Variants in GREB1L observed in about 807,000 individuals in gnomAD.
GREB1L encodes GREB1-like protein.
Under a neutral mutation model 200.8 loss-of-function variants are expected in GREB1L, and 17 were observed. That is an observed-to-expected ratio of 0.08 (90% CI 0.06 to 0.13). The LOEUF is 0.13. GREB1L is among the 10% of genes least tolerant of loss of function. The pLI is 1.00. For synonymous variants in GREB1L, 789 were observed against 893.0 expected (o/e 0.88, Z 2.08); for missense variants, 1,657 against 2,367.7 (o/e 0.70, Z 6.23).
chr18:21,367,888 C>A (rs1490763228), intron 2 of GREB1L, among the ~76,000 whole-genome samples: 1 of 152,148 alleles, frequency 6.6e-6, no homozygotes, highest in Non-Finnish European at 1.5e-5. Flanking sequence ...TACCACAACC[C>A]ATGACCTCAA....
intron 9 of GREB1L, 104 bp from the exon 10 acceptor site, chr18:21,441,296 G>A: frequency 1.0e-6 from 1 of 995,298 alleles, no homozygotes; most frequent in East Asian, 2.9e-5. Flanking sequence ...CAAACCATTA[G>A]ATTTCTAATG....
intron 1 of GREB1L, among the ~76,000 whole-genome samples, chr18:21,329,572 C>CT (rs1446125526): frequency 6.6e-6 from 1 of 152,072 alleles, no homozygotes; most frequent in Non-Finnish European, 1.5e-5. Flanking sequence ...CCAAGGAAGA[C>CT]TTTCCAGACC....
intron 1 of GREB1L, among the ~76,000 whole-genome samples, chr18:21,253,249 A>ATTTTTTT (rs66924517): frequency 7.9e-6 from 1 of 127,162 alleles, no homozygotes; most frequent in Non-Finnish European, 1.7e-5. Flanking sequence ...TATTTCAAGA[A>ATTTTTTT]TTTTTTTTTT....
intron 1 of GREB1L, among the ~76,000 whole-genome samples, chr18:21,357,790 A>T (rs1045332688): frequency 6.6e-6 from 1 of 152,052 alleles, no homozygotes; most frequent in Non-Finnish European, 1.5e-5. Flanking sequence ...TGCGTGGATT[A>T]ATTTTGGGGG....
At chr18:21,370,098 GAAAT>G (rs1483095609) in intron 2 of GREB1L, among the ~76,000 whole-genome samples, 6 of 152,072 alleles carry the variant, frequency 3.9e-5, no homozygotes, top group African/African-American at 1.4e-4. Flanking sequence ...GAATAAAAAT[GAAAT>G]AAAGCACTTC....
intron 1 of GREB1L, among the ~76,000 whole-genome samples, chr18:21,260,568 A>G (rs2037873330): frequency 6.6e-6 from 1 of 151,980 alleles, no homozygotes; most frequent in South Asian, 2.1e-4. Context: ...GCAAAGGACC[A>G]TTTGTTCCGA....
intron 15 of GREB1L, among the ~76,000 whole-genome samples, chr18:21,467,691 T>G (rs1194239499): frequency 6.6e-6 from 1 of 152,090 alleles, no homozygotes; most frequent in Admixed American, 6.6e-5. Context: ...TCCAAATGAT[T>G]AAATATAGAG....
intron 1 of GREB1L, among the ~76,000 whole-genome samples, chr18:21,333,204 A>G (rs2039132873): frequency 6.6e-6 from 1 of 152,172 alleles, no homozygotes; most frequent in South Asian, 2.1e-4. Flanking sequence ...ATGTATTACT[A>G]TACATGCACA....
chr18:21,472,203 A>T (rs138443545), intron 15 of GREB1L, among the ~76,000 whole-genome samples: 1 of 152,332 alleles, frequency 6.6e-6, no homozygotes, highest in African/African-American at 2.4e-5. Flanking sequence ...TTGTTCACTG[A>T]GCTGCATTTA....
At chr18:21,392,057 G>A (rs777506492) in intron 4 of GREB1L, among the ~76,000 whole-genome samples, 6 of 152,238 alleles carry the variant, frequency 3.9e-5, no homozygotes, top group South Asian at 2.1e-4. Flanking sequence ...TGATCCACCC[G>A]CCTCAGCCTC....
At chr18:21,291,203 T>C (rs1223200967) in intron 1 of GREB1L, among the ~76,000 whole-genome samples, 2 of 152,098 alleles carry the variant, frequency 1.3e-5, no homozygotes, top group Admixed American at 1.3e-4. Context: ...GACCCATTGT[T>C]CCTGAAACCC....
chr18:21,472,304 TCAA>T (rs1005266217), intron 15 of GREB1L, among the ~76,000 whole-genome samples: 5 of 152,248 alleles, frequency 3.3e-5, no homozygotes, highest in African/African-American at 9.6e-5. Flanking sequence ...ATCAATTATC[TCAA>T]CAACAGTTTT....
rs1396060387 is a variant in GREB1L, at chr18:21,499,793, G to A, written c.3456G>A (p.Leu1152=). Residue 1152 remains leucine (L), a synonymous_variant, in exon 22 of 33, where the codon CTG becomes CTA. Coordinates refer to ENST00000424526, the MANE Select transcript of GREB1L (RefSeq NM_001142966.3). The part of the protein sequence containing the change: ...STADKSQKQS[L]TPSFQSPATS... Reference sequence around the variant, plus strand: ...CTGACAAGTCCCAGAAGCAGTCCCTGACCCCCAGCTTTCAGAGCCCAGCCA... The same window carrying A: ...CTGACAAGTCCCAGAAGCAGTCCCTAACCCCCAGCTTTCAGAGCCCAGCCA... 2.6e-6 allele frequency: 4 copies of A among 1,551,884 alleles called. No homozygotes were observed. Among genetic ancestry groups the A allele is most frequent in the Non-Finnish European group, 2.6e-6 (3 of 1,147,064 alleles).
intron 7 of GREB1L, among the ~76,000 whole-genome samples, chr18:21,422,035 G>A (rs1372865703): frequency 6.6e-6 from 1 of 152,168 alleles, no homozygotes; most frequent in Non-Finnish European, 1.5e-5. Context: ...CCACAATGTA[G>A]AGAGCAGAGC....
At chr18:21,267,188 G>A (rs1313190562) in intron 1 of GREB1L, among the ~76,000 whole-genome samples, 1 of 132,272 alleles carries the variant, frequency 7.6e-6, no homozygotes, top group Non-Finnish European at 1.6e-5. Flanking sequence ...TGCCTCGGCC[G>A]CTTTTTTTTT....
chr18:21,301,173 C>A (rs1383829823), intron 1 of GREB1L, among the ~76,000 whole-genome samples: 4 of 152,178 alleles, frequency 2.6e-5, no homozygotes, highest in Non-Finnish European at 5.9e-5. Context: ...AGATAATTTG[C>A]CATTTATTTC....
At chr18:21,470,165 G>A (rs939574276) in intron 15 of GREB1L, among the ~76,000 whole-genome samples, 1 of 151,930 alleles carries the variant, frequency 6.6e-6, no homozygotes, top group Non-Finnish European at 1.5e-5. Context: ...GCACATGCCT[G>A]CAGGCCCAGC....
chr18:21,321,230 G>C (rs1386452530), intron 1 of GREB1L, among the ~76,000 whole-genome samples: 2 of 151,982 alleles, frequency 1.3e-5, no homozygotes, highest in Admixed American at 1.3e-4. Context: ...GGGAGGTGGA[G>C]GTTTCAGTGA....
chr18:21,468,495 A>G (rs1053356007), intron 15 of GREB1L, among the ~76,000 whole-genome samples: 1 of 152,236 alleles, frequency 6.6e-6, no homozygotes, highest in African/African-American at 2.4e-5. Context: ...ACTAAAAGCC[A>G]TTGAATTATA....
Sources: allele counts gnomAD v4.1 joint callset (sites outside exome capture counted in the v4.1 genomes callset), GRCh38; gene constraint gnomAD v4.1.1; transcripts MANE v1.5; gene names NCBI Gene and HGNC (gene_info 2026-07-23, HGNC 2026-07-21).